Variants in ST14 observed in about 807,000 individuals in gnomAD.
ST14 encodes ST14 transmembrane serine protease matriptase.
In ST14, 40 loss-of-function variants were observed where a neutral mutation model predicts 96.5. The observed-to-expected ratio is 0.41, with a 90% confidence interval of 0.32 to 0.54. ST14 has a LOEUF of 0.54. ST14 is among the 20% of genes least tolerant of loss of function. The pLI is 0.17. For synonymous variants in ST14, 506 were observed against 492.1 expected (o/e 1.03, Z -0.37); for missense variants, 1,066 against 1,188.9 (o/e 0.90, Z 1.52).
In ST14 at chr11:130,159,891, TGCGCCCC is replaced by T. The variant is rs990730997; in HGVS notation, c.-75_-69del. On this transcript the variant is annotated 5_prime_UTR_variant, in exon 1 of 19. Coordinates refer to ENST00000278742, the MANE Select transcript of ST14 (RefSeq NM_021978.4). ...TGGGCCTGCCCGGAATCCCGCCGCC[TGCGCCCC>T]GCGCCCCGCGCCCTGCGGGCCATGG... 8.8e-6 allele frequency: 7 copies of T among 793,784 alleles called. No homozygotes were observed. The highest frequency in any genetic ancestry group is 4.7e-4 in the Middle Eastern group (1 of 2,138). 49.2% of individuals were successfully genotyped at this position (793,784 alleles called of 1,614,324 possible).
chr11:130,163,333 T>A (rs1245287927), intron 1 of ST14, among the ~76,000 whole-genome samples: 4 of 152,200 alleles, frequency 2.6e-5, no homozygotes, highest in African/African-American at 9.6e-5. Flanking sequence ...TATCTTTCTA[T>A]GAAAAGAAAA....
Position 130,199,044 on chromosome 11 carries a change from C to A in ST14, c.1782C>A (p.Ser594Arg). The A allele has an allele frequency of 6.2e-7, 1 of 1,613,872 alleles. No individual in the cohort carries two copies. ...NPECDGKEDC[S>R]DGSDEKDCDC... ...AGTGTGACGGGAAGGAGGACTGTAGCGACGGCTCAGATGAGAAGGACTGCG... is the reference window on the plus strand; with the variant it reads ...AGTGTGACGGGAAGGAGGACTGTAGAGACGGCTCAGATGAGAAGGACTGCG... The change falls in exon 15 of 19, where the codon AGC becomes AGA. Residue 594 changes from serine to arginine, a missense_variant. Physicochemically the swap from Ser to Arg is moderately radical, Grantham distance 110 (BLOSUM62 -1). Coordinates refer to ENST00000278742, the MANE Select transcript of ST14 (RefSeq NM_021978.4).
At chr11:130,164,635 T>G (rs1247753137) in intron 1 of ST14, among the ~76,000 whole-genome samples, 1 of 151,870 alleles carries the variant, frequency 6.6e-6, no homozygotes, top group Non-Finnish European at 1.5e-5. Flanking sequence ...CCCAAGCTGG[T>G]CTTGAACTCC....
chr11:130,166,050 A>T (rs1281525793), intron 1 of ST14, among the ~76,000 whole-genome samples: 3 of 152,220 alleles, frequency 2.0e-5, no homozygotes, highest in African/African-American at 7.2e-5. Flanking sequence ...TGCTACAAAC[A>T]TCATAGACCA....
At chr11:130,161,054 C>A (rs1043500561) in intron 1 of ST14, among the ~76,000 whole-genome samples, 17 of 152,206 alleles carry the variant, frequency 1.1e-4, no homozygotes, top group African/African-American at 2.7e-4. Flanking sequence ...CCGTTGCTCC[C>A]TAAGTCAGGC....
chr11:130,208,393 G>T lies in ST14; in HGVS notation c.1995-17G>T, dbSNP rs1953510195. ...ACCCGAGTGACCGCGCAGTCTCATA[G>T]CGGCTCTCCCTACCAGGTACTCAGA... is the stretch of plus-strand genomic sequence containing the variant. On this transcript the variant is annotated splice_polypyrimidine_tract_variant and intron_variant, in intron 16 of 18. Transcript: ENST00000278742. 1 of 1,613,898 alleles carries T rather than the reference G, an allele frequency of 6.2e-7. No individual in the cohort carries two copies. Among genetic ancestry groups the T allele is most frequent in the East Asian group, 2.2e-5 (1 of 44,886 alleles).
rs747224599 is a variant in ST14 at position 130,209,572 on chromosome 11, C to T, written c.2400C>T (p.Ser800=). ...GCTTCCTCAGCGGCGGCGTGGACTCCTGCCAGGTGGCCCCCGGGGCAGGAG... is the reference window on the plus strand; with the variant it reads ...GCTTCCTCAGCGGCGGCGTGGACTCTTGCCAGGTGGCCCCCGGGGCAGGAG... ...CVGFLSGGVD[S]CQGDSGGPLS... is the part of the protein sequence containing the mutation. The change falls in exon 18 of 19, where the codon TCC becomes TCT. Residue 800 remains serine (S), a synonymous_variant. Coordinates refer to ENST00000278742, the MANE Select transcript of ST14 (RefSeq NM_021978.4). 6.3e-7 allele frequency: 1 copy of T among 1,577,684 alleles called. No homozygotes were observed. Among genetic ancestry groups the T allele is most frequent in the Non-Finnish European group, 8.6e-7 (1 of 1,162,046 alleles).
chr11:130,162,401 T>C (rs1366050064), intron 1 of ST14, among the ~76,000 whole-genome samples: 1 of 152,120 alleles, frequency 6.6e-6, no homozygotes, highest in South Asian at 2.1e-4. Context: ...TGTTGAGTAT[T>C]TGATGGTGAA....
chr11:130,194,117 C>G, intron 7 of ST14, 32 bp from the exon 8 acceptor site: 1 of 1,614,142 alleles, frequency 6.2e-7, no homozygotes, highest in Non-Finnish European at 8.5e-7. Flanking sequence ...GTTCTGTCTG[C>G]TCTTCCTAAT....
intron 1 of ST14, among the ~76,000 whole-genome samples, chr11:130,179,692 G>A (rs932634346): frequency 1.3e-5 from 2 of 152,222 alleles, no homozygotes; most frequent in Non-Finnish European, 2.9e-5. Context: ...ACAGCAGCCT[G>A]ATGAAGAGGC....
chr11:130,207,944 A>C (rs1953505895), intron 16 of ST14, among the ~76,000 whole-genome samples: 1 of 151,846 alleles, frequency 6.6e-6, no homozygotes, highest in African/African-American at 2.4e-5. Context: ...GGTGGTGTGC[A>C]CTTGTAATCC....
intron 1 of ST14, among the ~76,000 whole-genome samples, chr11:130,173,049 G>A (rs1953107517): frequency 6.6e-6 from 1 of 152,172 alleles, no homozygotes; most frequent in African/African-American, 2.4e-5. Flanking sequence ...GGTCAGGACT[G>A]AGAGCCCTGA....
chr11:130,185,178 T>C (rs1953226186), intron 1 of ST14, among the ~76,000 whole-genome samples: 1 of 152,086 alleles, frequency 6.6e-6, no homozygotes, highest in African/African-American at 2.4e-5. Flanking sequence ...TTTGCATTCA[T>C]GGAACAAATA....
At chr11:130,177,402 A>G (rs959845373) in intron 1 of ST14, among the ~76,000 whole-genome samples, 4 of 151,934 alleles carry the variant, frequency 2.6e-5, no homozygotes, top group African/African-American at 7.2e-5. Context: ...GTCTGTACTA[A>G]AAATACAAAA....
chr11:130,199,206 G>C, intron 15 of ST14, 137 bp downstream of exon 15: 1 of 1,026,046 alleles, frequency 9.7e-7, no homozygotes, highest in Middle Eastern at 3.0e-4. Context: ...GTGTCTCCTG[G>C]AGGAAAGGAT....
In ST14 at chr11:130,182,960, CT is replaced by C. The variant is rs1257544567; in HGVS notation, c.82-5141del. Among the ~76,000 whole-genome samples the C allele has an allele frequency of 9.0e-3, 1,205 of 133,806 alleles. 13 individuals are homozygous for C. The highest frequency in any genetic ancestry group is 0.023 in the African/African-American group (852 of 36,468). 87.8% of individuals were successfully genotyped at this position (133,806 alleles called of 152,430 possible). A position where few individuals can be genotyped will look rare whatever the true frequency, so the allele number is the denominator to read the frequency against. On this transcript the variant is annotated intron_variant, in intron 1 of 18. Transcript: ENST00000278742. ...CCACCGCGCCCAGCCACTTTTGTTA[CT>C]TTTTTTTTTTTTGAAATGGAGTTTC...
chr11:130,197,349 T>C (rs1390629187), intron 11 of ST14, among the ~76,000 whole-genome samples: 1 of 152,210 alleles, frequency 6.6e-6, no homozygotes, highest in Non-Finnish European at 1.5e-5. Flanking sequence ...ATCTGCAAAG[T>C]GGTCAGATGC....
At chr11:130,167,029 G>T (rs903802382) in intron 1 of ST14, among the ~76,000 whole-genome samples, 1 of 152,078 alleles carries the variant, frequency 6.6e-6, no homozygotes, top group Non-Finnish European at 1.5e-5. Flanking sequence ...TGGCCAACAT[G>T]GTGAAACCCC....
chr11:130,195,624 G>T (rs770176486), intron 9 of ST14, among the ~76,000 whole-genome samples: 6 of 152,070 alleles, frequency 3.9e-5, no homozygotes, highest in Non-Finnish European at 7.4e-5. Context: ...GGAGGCCAAG[G>T]CAGGTGGATC....
Sources: allele counts gnomAD v4.1 joint callset (sites outside exome capture counted in the v4.1 genomes callset), GRCh38; gene constraint gnomAD v4.1.1; transcripts MANE v1.5; gene names NCBI Gene and HGNC (gene_info 2026-07-23, HGNC 2026-07-21).